Variants in NIPAL2 observed in about 807,000 individuals in gnomAD.
NIPAL2 encodes NIPA-like protein 2.
In NIPAL2, 43 loss-of-function variants were observed where a neutral mutation model predicts 48.9. The ratio of observed to expected loss-of-function variants is 0.88; its 90% CI spans 0.69 to 1.13. The LOEUF (loss-of-function observed/expected upper bound fraction) is 1.13, where lower values mean the gene tolerates loss of function less well. NIPAL2 is among the 50% of genes most tolerant of loss of function. NIPAL2 has a pLI of 0.00. For missense variants in NIPAL2, 446 were observed against 461.4 expected, an observed-to-expected ratio of 0.97 and a Z score of 0.31; for synonymous variants, 167 against 174.6, an observed-to-expected ratio of 0.96 and a Z score of 0.34.
At position 98,252,390 on chromosome 8, in the gene NIPAL2, G is replaced by C. The variant is rs1041845850; in HGVS notation, c.376+73C>G. The C allele has an allele frequency of 5.8e-6, 8 of 1,372,714 alleles. No individual in the cohort carries two copies. In the African/African-American group the frequency reaches 1.0e-4, roughly 18 times the overall value. 85.0% of individuals were successfully genotyped at this position (1,372,714 alleles called of 1,614,324 possible). A position where few individuals can be genotyped will look rare whatever the true frequency, so the allele number is the denominator to read the frequency against. ...GACTTTCTTCTTTGGTGCATTTGTT[G>C]TTTCAGTTGTGTGTTTTTCTCCGAT... is the stretch of plus-strand genomic sequence containing the variant. On this transcript the variant is annotated intron_variant, in intron 3 of 10. Transcript: ENST00000430223.
At chr8:98,281,362 C>A (rs568914737) in intron 1 of NIPAL2, among the ~76,000 whole-genome samples, 4 of 151,368 alleles carry the variant, frequency 2.6e-5, no homozygotes, top group African/African-American at 7.3e-5. Context: ...GGGTAGGGGG[C>A]GGTGAGGTGG....
chr8:98,231,379 A>C (rs1812430936), intron 4 of NIPAL2, among the ~76,000 whole-genome samples: 1 of 152,164 alleles, frequency 6.6e-6, no homozygotes, highest in African/African-American at 2.4e-5. Context: ...CTCCAAATCA[A>C]GCTGACTTCT....
At chr8:98,194,232 C>T (rs1003935006) in intron 10 of NIPAL2, among the ~76,000 whole-genome samples, 2 of 152,028 alleles carry the variant, frequency 1.3e-5, no homozygotes, top group Non-Finnish European at 2.9e-5. Context: ...AGAGTGAGAA[C>T]GGGAAAGAGT....
intron 3 of NIPAL2, among the ~76,000 whole-genome samples, chr8:98,250,683 T>C (rs1032758069): frequency 3.9e-5 from 6 of 152,170 alleles, no homozygotes; most frequent in African/African-American, 1.4e-4. Context: ...AAAAATAATC[T>C]GTAGCATGAA....
chr8:98,271,510 G>A (rs183886475), intron 1 of NIPAL2, among the ~76,000 whole-genome samples: 21 of 152,202 alleles, frequency 1.4e-4, no homozygotes, highest in Middle Eastern at 3.4e-3. Context: ...AACATTGTTG[G>A]TGCATAGAAA....
chr8:98,193,469 C>T (rs1244528287), intron 10 of NIPAL2: 1 of 1,544,616 alleles, frequency 6.5e-7, no homozygotes, highest in Non-Finnish European at 9.0e-7. Flanking sequence ...TTGATAGTGA[C>T]TTCTAAAGCT....
intron 4 of NIPAL2, among the ~76,000 whole-genome samples, chr8:98,226,941 T>C (rs1164681303): frequency 1.3e-5 from 2 of 152,064 alleles, no homozygotes; most frequent in Non-Finnish European, 2.9e-5. Context: ...TTACCTGGTG[T>C]TCTATTCTAC....
At position 98,254,107 on chromosome 8, in the gene NIPAL2, C is replaced by T; in HGVS notation, c.136-20G>A. The T allele has an allele frequency of 6.3e-7, 1 of 1,584,444 alleles. No homozygotes were observed. The highest frequency in any genetic ancestry group is 1.1e-5 in the South Asian group (1 of 89,246). On this transcript the variant is annotated intron_variant, in intron 1 of 10. Transcript: ENST00000430223. ...GTGAATCTGTAAAAGAAAATGTTTT[C>T]CTTAAATAATACTTGTAAGATATTT...
chr8:98,274,240 C>A (rs912955286), intron 1 of NIPAL2, among the ~76,000 whole-genome samples: 2 of 151,778 alleles, frequency 1.3e-5, no homozygotes, highest in Non-Finnish European at 2.9e-5. Flanking sequence ...ATATATTCTA[C>A]ATATTCTATC....
chr8:98,268,211 C>T lies in NIPAL2; in HGVS notation c.136-14124G>A, dbSNP rs529400367. ...CCCTTCTCATCTATCAAAGGATACC[C>T]TATACTATTTCTCCTTGAATACTTA... On this transcript the variant is annotated intron_variant, in intron 1 of 10. Coordinates refer to ENST00000430223, the MANE Select transcript of NIPAL2 (RefSeq NM_001321635.2). Among the ~76,000 whole-genome samples, 14 of 152,256 alleles carry T rather than the reference C, an allele frequency of 9.2e-5. No homozygotes were observed. In the East Asian group the frequency reaches 2.7e-3, roughly 29 times the overall value.
At chr8:98,212,304 A>C in intron 6 of NIPAL2, 101 bp downstream of exon 6, 1 of 600,560 alleles carries the variant, frequency 1.7e-6, no homozygotes, top group African/African-American at 1.8e-5. Flanking sequence ...AAAAATATAA[A>C]CCATGAGAAA....
chr8:98,201,790 G>C (rs1431149469), intron 8 of NIPAL2, among the ~76,000 whole-genome samples: 1 of 152,010 alleles, frequency 6.6e-6, no homozygotes, highest in Non-Finnish European at 1.5e-5. Flanking sequence ...TCATGGGATA[G>C]AATATTTTCT....
chr8:98,224,101 T>C (rs1024181107), intron 4 of NIPAL2, among the ~76,000 whole-genome samples: 1 of 152,230 alleles, frequency 6.6e-6, no homozygotes, highest in Non-Finnish European at 1.5e-5. Flanking sequence ...CACTCCTTTA[T>C]CTCTTCTAAT....
At chr8:98,217,670 G>T (rs1053496766) in intron 5 of NIPAL2, among the ~76,000 whole-genome samples, 1 of 152,088 alleles carries the variant, frequency 6.6e-6, no homozygotes, top group Non-Finnish European at 1.5e-5. Flanking sequence ...ATTATATAAC[G>T]AATTAGATTA....
chr8:98,212,349 C>G, intron 6 of NIPAL2, 56 bp downstream of exon 6: 1 of 934,602 alleles, frequency 1.1e-6, no homozygotes, highest in Non-Finnish European at 1.7e-6. Flanking sequence ...CTTCAAACCT[C>G]ATTTATGACT....
chr8:98,258,759 G>A (rs1056689972), intron 1 of NIPAL2, among the ~76,000 whole-genome samples: 22 of 132,872 alleles, frequency 1.7e-4, no homozygotes, highest in African/African-American at 6.5e-4. Flanking sequence ...TCTCACCTCT[G>A]ATTTCTATAT....
intron 1 of NIPAL2, among the ~76,000 whole-genome samples, chr8:98,264,825 C>G (rs1190263725): frequency 6.6e-6 from 1 of 152,190 alleles, no homozygotes; most frequent in African/African-American, 2.4e-5. Flanking sequence ...ATTGCCAAGT[C>G]AATCCTAAGC....
At chr8:98,228,786 G>A (rs1812300001) in intron 4 of NIPAL2, among the ~76,000 whole-genome samples, 2 of 152,134 alleles carry the variant, frequency 1.3e-5, no homozygotes, top group South Asian at 4.1e-4. Context: ...CCATCACTGG[G>A]GCTGTCTCTA....
intron 6 of NIPAL2, among the ~76,000 whole-genome samples, 159 bp downstream of exon 6, chr8:98,212,245 AT>A (rs1811354018): frequency 6.6e-6 from 1 of 152,210 alleles, no homozygotes; most frequent in African/African-American, 2.4e-5. Context: ...GACAGGCAAC[AT>A]ATAATTTTTA....
Sources: gnomAD v4.1 joint callset for allele counts (sites outside exome capture counted in the v4.1 genomes callset) on GRCh38, gnomAD v4.1.1 for gene constraint, MANE v1.5 for transcripts, NCBI Gene and HGNC (gene_info 2026-07-23, HGNC 2026-07-21) for gene names.